The following MYBPC3 variants were observed in gnomAD, a reference collection of about 807,000 sequenced individuals.
MYBPC3 encodes the protein myosin-binding protein C, cardiac-type.
MYBPC3 carries 108 observed loss-of-function variants against 159.3 expected under a neutral mutation model. The observed-to-expected ratio is 0.68, with a 90% confidence interval of 0.58 to 0.80. MYBPC3 has a LOEUF of 0.80. MYBPC3 is among the 30% of genes least tolerant of loss of function. The probability of loss-of-function intolerance (pLI) is 0.00; values close to 1 mark genes in which losing one functional copy is unlikely to be tolerated. For missense variants in MYBPC3, 1,631 were observed against 1,762.1 expected, an observed-to-expected ratio of 0.93 and a Z score of 1.33; for synonymous variants, 730 against 702.0, an observed-to-expected ratio of 1.04 and a Z score of -0.63.
chr11:47,335,471 G>A lies in MYBPC3; in HGVS notation c.2738-262C>T. On this transcript the variant is annotated intron_variant, in intron 26 of 34. Transcript: ENST00000545968. The stretch of plus-strand genomic sequence containing the variant: ...GCCTCCCGCGTAGCTGGGATCACAG[G>A]TGCCCACCACCACACCCGGCTAATT... The A allele has an allele frequency of 1.2e-5, 4 of 328,282 alleles. 1 individual carries two copies. In the South Asian group the frequency reaches 2.9e-4, roughly 23 times the overall value. 20.3% of individuals were successfully genotyped at this position (328,282 alleles called of 1,614,324 possible).
At chr11:47,348,334 G>A (rs1488706117) in intron 6 of MYBPC3, 90 bp downstream of exon 6, 4 of 972,394 alleles carry the variant, frequency 4.1e-6, no homozygotes, top group African/African-American at 3.2e-5. Flanking sequence ...TGGATGGGAC[G>A]AGGCATCCTC....
chr11:47,340,987 G>T lies in MYBPC3; in HGVS notation c.1927+16C>A. The T allele has an allele frequency of 1.9e-6, 3 of 1,551,944 alleles. No homozygotes were observed. The highest frequency in any genetic ancestry group is 2.6e-6 in the Non-Finnish European group (3 of 1,150,412). On this transcript the variant is annotated intron_variant, in intron 20 of 34. Transcript: ENST00000545968. Reference sequence around the variant, plus strand: ...GAAAGTGAGCAGAACCAAGACTCAGGGGCCCCAAGACTTACCCTGCCTGGG... The same window carrying T: ...GAAAGTGAGCAGAACCAAGACTCAGTGGCCCCAAGACTTACCCTGCCTGGG...
chr11:47,340,164 CACAT>C (rs2095886955), intron 20 of MYBPC3, among the ~76,000 whole-genome samples: 1 of 151,704 alleles, frequency 6.6e-6, no homozygotes, highest in Non-Finnish European at 1.5e-5. Context: ...GACACACATA[CACAT>C]ACACACATGC....
At chr11:47,337,231 G>A (rs1194981373) in intron 25 of MYBPC3, among the ~76,000 whole-genome samples, 160 bp downstream of exon 25, 2 of 152,062 alleles carry the variant, frequency 1.3e-5, no homozygotes, top group African/African-American at 4.8e-5. Context: ...CTTGGAGCCT[G>A]TTTCCTCATC....
In MYBPC3 at chr11:47,347,923, A is replaced by G. The variant is rs755484970; in HGVS notation, c.773-18T>C. 37 of 1,570,246 alleles carry G rather than the reference A, an allele frequency of 2.4e-5. No individual in the cohort carries two copies. In the East Asian group the frequency reaches 7.8e-4, roughly 33 times the overall value. On this transcript the variant is annotated intron_variant, in intron 6 of 34. Coordinates refer to ENST00000545968, the MANE Select transcript of MYBPC3 (RefSeq NM_000256.3). ...CATGGCCTCTGGGTTCAAAGGGTGG[A>G]GAGATGGGGGAAGGGGCTTCAGAGG...
At position 47,331,854 on chromosome 11, in the gene MYBPC3, C is replaced by T; in HGVS notation, c.*17G>A. ...GTCGGGTGGTACATACCTGGCCATC[C>T]CCAGGAGCCAGCCTGGTCACTGAGG... On this transcript the variant is annotated 3_prime_UTR_variant, in exon 34 of 35. Transcript: ENST00000545968. The T allele has an allele frequency of 6.2e-7, 1 of 1,608,018 alleles. No individual in the cohort carries two copies. Among genetic ancestry groups the T allele is most frequent in the Non-Finnish European group, 8.5e-7 (1 of 1,177,588 alleles).
chr11:47,334,891 A>C, intron 27 of MYBPC3, 151 bp downstream of exon 27: 1 of 929,454 alleles, frequency 1.1e-6, no homozygotes, highest in Non-Finnish European at 1.4e-6. Flanking sequence ...CCCTAGGCCT[A>C]GCGCATGGAC....
chr11:47,341,858 G>C, intron 18 of MYBPC3, 133 bp downstream of exon 18: 2 of 1,236,306 alleles, frequency 1.6e-6, no homozygotes, highest in African/African-American at 1.5e-5. Context: ...CTCTGTCTCA[G>C]TCTCTGTCCT....
Position 47,332,189 on chromosome 11 carries a change from G to C in MYBPC3, c.3697C>G (p.Gln1233Glu). 1 of 1,613,864 alleles carries C rather than the reference G, an allele frequency of 6.2e-7. No homozygotes were observed. Among genetic ancestry groups the C allele is most frequent in the Non-Finnish European group, 8.5e-7 (1 of 1,179,892 alleles). ...EDARFRMFSKQGVLTLEIRKP... is the reference protein window; with the variant it reads ...EDARFRMFSKEGVLTLEIRKP... ...CTAATCTCCAGAGTCAACACTCCCT[G>C]CTTGCTGAACATGCGGAAGCGGGCG... The change falls in exon 33 of 35, where the codon CAG becomes GAG. Residue 1233 changes from glutamine to glutamate, a missense_variant. Physicochemically the swap from Gln to Glu is conservative, Grantham distance 29. Transcript: ENST00000545968. This position sits in a 1 kb window ranked among gnomAD's most constrained non-coding sequence, Gnocchi z 4.2.
rs1555120318 is a variant in MYBPC3 at position 47,332,696 on chromosome 11, G to C, written c.3497C>G (p.Thr1166Ser). ...GGCCTTATAGTTGGGTGGCTCATAG[G>C]TGATGCCTGTTGGTGACAGGACTTG... ...EPVFIPRPGITYEPPNYKALD... is the reference protein window; with the variant it reads ...EPVFIPRPGISYEPPNYKALD... Residue 1166 changes from threonine to serine, a missense_variant, in exon 32 of 35, where the codon ACC (threonine) becomes AGC (serine). Coordinates refer to ENST00000545968, the MANE Select transcript of MYBPC3 (RefSeq NM_000256.3). The surrounding 1 kb of genome is among the most constrained non-coding windows in gnomAD (Gnocchi z 4.2). 6.2e-7 allele frequency: 1 copy of C among 1,608,786 alleles called. No individual in the cohort carries two copies. The highest frequency in any genetic ancestry group is 8.5e-7 in the Non-Finnish European group (1 of 1,177,478).
chr11:47,349,858 C>T lies in MYBPC3; in HGVS notation c.570G>A (p.Lys190=), dbSNP rs932721415. 13 of 1,612,670 alleles carry T rather than the reference C, an allele frequency of 8.1e-6. No homozygotes were observed. Among genetic ancestry groups the T allele is most frequent in the Admixed American group, 3.3e-5 (2 of 59,892 alleles). ...GGTCCACCCATTTGCCCTTGAACCA[C>T]TTGACCACAGGCGGCTTCAGGAGGC... ...GASLLKPPVV[K]WFKGKWVDLS... The change falls in exon 5 of 35, where the codon AAG becomes AAA. Residue 190 remains lysine (K), a synonymous_variant. Transcript: ENST00000545968.
intron 25 of MYBPC3, among the ~76,000 whole-genome samples, chr11:47,336,917 C>T (rs1423466702): frequency 6.6e-6 from 1 of 152,264 alleles, no homozygotes; most frequent in African/African-American, 2.4e-5. Flanking sequence ...ACTCTTTCCA[C>T]AGACAGATGC....
In MYBPC3 at chr11:47,351,550, G is replaced by C. The variant is rs766038605; in HGVS notation, c.26-45C>G. The C allele has an allele frequency of 2.0e-6, 3 of 1,524,778 alleles. No individual in the cohort carries two copies. Among genetic ancestry groups the C allele is most frequent in the South Asian group, 1.3e-5 (1 of 78,620 alleles). 94.5% of individuals were successfully genotyped at this position (1,524,778 alleles called of 1,614,324 possible). On this transcript the variant is annotated intron_variant, in intron 1 of 34. Coordinates refer to ENST00000545968, the MANE Select transcript of MYBPC3 (RefSeq NM_000256.3). This position sits in a 1 kb window ranked among gnomAD's most constrained non-coding sequence, Gnocchi z 4.2. ...CTACAGCGGCCCCTGGTTGGAGCGT[G>C]CACCCCGCCCCTGCAGCCCCTCTCA...
Position 47,332,007 on chromosome 11 carries a change from G to A in MYBPC3, c.3814+65C>T. The A allele has an allele frequency of 6.3e-7, 1 of 1,596,172 alleles. No homozygotes were observed. Among genetic ancestry groups the A allele is most frequent in the Non-Finnish European group, 8.5e-7 (1 of 1,170,824 alleles). ...GCTTGGCCGAGGACAACGGAGCAAA[G>A]CCCAGGGTCCCCACTGCCGCCCGCT... is the stretch of plus-strand genomic sequence containing the variant. On this transcript the variant is annotated intron_variant, in intron 33 of 34. Coordinates refer to ENST00000545968, the MANE Select transcript of MYBPC3 (RefSeq NM_000256.3). This position sits in a 1 kb window ranked among gnomAD's most constrained non-coding sequence, Gnocchi z 4.2.
Position 47,343,127 on chromosome 11 carries a change from G to A in MYBPC3, c.1245C>T (p.Ile415=), listed in dbSNP as rs1339802996. ...TGATGGTCAGGGTACGCTTGGCACC[G>A]ATGGACTCAAAGATGTACCTGGGTG... ...MSGSKYIFES[I]GAKRTLTISQ... Residue 415 remains isoleucine (I), a synonymous_variant, in exon 15 of 35, where the codon ATC becomes ATT. Transcript: ENST00000545968. The A allele has an allele frequency of 2.5e-5, 41 of 1,611,292 alleles. No individual in the cohort carries two copies. The highest frequency in any genetic ancestry group is 1.6e-4 in the Middle Eastern group (1 of 6,084).
chr11:47,336,865 G>C (rs902600276), intron 25 of MYBPC3, among the ~76,000 whole-genome samples: 2 of 152,224 alleles, frequency 1.3e-5, no homozygotes, highest in Non-Finnish European at 2.9e-5. Flanking sequence ...GCCCCCCGGG[G>C]ACCATGGAGC....
Position 47,346,762 on chromosome 11 carries a change from T to A in MYBPC3, c.909-118A>T. ...TTACTTCCTCCCTATTTTCCGCACTTGCACTCCCTGTGTTGTGGGGCACCC... is the reference window on the plus strand; with the variant it reads ...TTACTTCCTCCCTATTTTCCGCACTAGCACTCCCTGTGTTGTGGGGCACCC... On this transcript the variant is annotated intron_variant, in intron 10 of 34. Coordinates refer to ENST00000545968, the MANE Select transcript of MYBPC3 (RefSeq NM_000256.3). This position sits in a 1 kb window ranked among gnomAD's most constrained non-coding sequence, Gnocchi z 5.3. 8.9e-7 allele frequency: 1 copy of A among 1,126,150 alleles called. No individual in the cohort carries two copies. Among genetic ancestry groups the A allele is most frequent in the Non-Finnish European group, 1.3e-6 (1 of 792,192 alleles). The allele number at this position is 1,126,150 out of a possible 1,614,324, so 69.8% of individuals were successfully genotyped here. A position where few individuals can be genotyped will look rare whatever the true frequency, so the allele number is the denominator to read the frequency against.
Position 47,332,113 on chromosome 11 carries a change from A to C in MYBPC3, c.3773T>G (p.Leu1258Ter), listed in dbSNP as rs730880604. The C allele has an allele frequency of 6.2e-7, 1 of 1,613,432 alleles. No homozygotes were observed. The highest frequency in any genetic ancestry group is 1.6e-4 in the Middle Eastern group (1 of 6,062). The change falls in exon 33 of 35, where the codon TTA becomes TGA. Residue 1258 changes from leucine (L) to a stop codon, truncating the protein, a stop_gained. Coordinates refer to ENST00000545968, the MANE Select transcript of MYBPC3 (RefSeq NM_000256.3). LOFTEE classifies it high-confidence loss of function. The surrounding 1 kb of genome is among the most constrained non-coding windows in gnomAD (Gnocchi z 4.2). ...GGIYVCRATN[L>*]QGEARCECRL... ...GCACTCACACCGTGCCTCGCCCTGTAAGTTGGTGGCCCTGCAGACATAGAT... is the reference window on the plus strand; with the variant it reads ...GCACTCACACCGTGCCTCGCCCTGTCAGTTGGTGGCCCTGCAGACATAGAT...
chr11:47,333,450 C>A (rs1196107808), intron 29 of MYBPC3, 107 bp downstream of exon 29: 5 of 1,524,366 alleles, frequency 3.3e-6, no homozygotes, highest in Admixed American at 2.0e-5. Context: ...GGGCAGTGGA[C>A]TGGAAAATGT....
Sources: gnomAD v4.1 joint callset for allele counts (sites outside exome capture counted in the v4.1 genomes callset) on GRCh38, gnomAD v4.1.1 for gene constraint, Gnocchi (gnomAD v3.1) non-coding constraint, MANE v1.5 for transcripts, NCBI Gene and HGNC (gene_info 2026-07-23, HGNC 2026-07-21) for gene names.